PIK3C2G: variants seen among roughly 807,000 people sequenced by gnomAD.
PIK3C2G encodes the protein phosphatidylinositol 3-kinase C2 domain-containing subunit gamma.
In PIK3C2G, 168 loss-of-function variants were observed where a neutral mutation model predicts 181.1. The observed-to-expected ratio is 0.93, with a 90% CI of 0.82 to 1.05. The LOEUF is 1.05. Among genes scored for constraint, PIK3C2G ranks in the 50% least tolerant of loss-of-function variants. The pLI, the probability that PIK3C2G is intolerant of heterozygous loss-of-function variation, is 0.00. For synonymous variants in PIK3C2G, 573 were observed against 592.2 expected (o/e 0.97, Z 0.47); for missense variants, 1,869 against 1,732.8 (o/e 1.08, Z -1.40).
intron 5 of PIK3C2G, among the ~76,000 whole-genome samples, chr12:18,310,980 T>C (rs1268178009): frequency 6.6e-6 from 1 of 151,964 alleles, no homozygotes; most frequent in Non-Finnish European, 1.5e-5. Flanking sequence ...AAAGAAAGTA[T>C]AATAAGCTCT....
At chr12:18,702,877 G>T in the PIK3C2G span, among the ~76,000 whole-genome samples, 1 of 139,568 alleles carries the variant, frequency 7.2e-6, no homozygotes, top group Non-Finnish European at 1.5e-5. Flanking sequence ...ATGGAGTGCA[G>T]TGACATGATC....
chr12:18,257,799 AAAAG>A (rs938483385), upstream of PIK3C2G, among the ~76,000 whole-genome samples: 39 of 150,364 alleles, frequency 2.6e-4, no homozygotes, highest in Admixed American at 2.0e-4. Flanking sequence ...AGAAAGAAAG[AAAAG>A]AAAGAAAGAA....
intron 31 of PIK3C2G, among the ~76,000 whole-genome samples, chr12:18,619,103 A>ATATTACACAT (rs1461924610): frequency 1.3e-4 from 19 of 151,246 alleles, no homozygotes; most frequent in African/African-American, 1.9e-4. Context: ...ATTTAATTAT[A>ATATTACACAT]TATTACACAT....
chr12:18,451,692 T>G (rs7307269), intron 18 of PIK3C2G, among the ~76,000 whole-genome samples: 28,426 of 152,180 alleles, frequency 0.19, 3,529 homozygotes, highest in African/African-American at 0.35. Context: ...GCCCATTCAG[T>G]ATGATATTGG....
rs958773300 is a variant in PIK3C2G, at chr12:18,531,447, A to G, written c.3324-6709A>G. ...TACAGTTCCTGCAACCAGGATACTG[A>G]TATCAATACATTCAAAATACAGAAC... On this transcript the variant is annotated intron_variant, in intron 24 of 32. Coordinates refer to ENST00000538779, the MANE Select transcript of PIK3C2G (RefSeq NM_001288772.2). Among the ~76,000 whole-genome samples the G allele has an allele frequency of 3.3e-5, 5 of 152,302 alleles. No homozygotes were observed. The East Asian group carries it at 9.7e-4, about 29-fold the overall frequency.
At chr12:18,421,449 T>C (rs1945482123) in intron 17 of PIK3C2G, among the ~76,000 whole-genome samples, 1 of 152,024 alleles carries the variant, frequency 6.6e-6, no homozygotes, top group Non-Finnish European at 1.5e-5. Flanking sequence ...TTTATCACAG[T>C]AATTTCTAAT....
At chr12:18,692,815 A>T in the PIK3C2G span, 1 of 1,541,958 alleles carries the variant, frequency 6.5e-7, no homozygotes, top group South Asian at 1.1e-5. Flanking sequence ...AAGAAGGATG[A>T]CAAGCTCTAA....
Position 18,282,567 on chromosome 12 carries a change from T to C in PIK3C2G, c.486T>C (p.Asn162=). The C allele has an allele frequency of 1.2e-6, 2 of 1,612,148 alleles. No homozygotes were observed. Among genetic ancestry groups the C allele is most frequent in the Non-Finnish European group, 8.5e-7 (1 of 1,178,744 alleles). The stretch of plus-strand genomic sequence containing the variant: ...TTAATCTAGAGAAAGAATTAGAAAA[T>C]GAAAATCATAACTACCATATAGGAT... The part of the protein sequence containing the change: ...DKINLEKELE[N]ENHNYHIGFE... The change falls in exon 2 of 33, where the codon AAT becomes AAC. Residue 162 remains asparagine, a synonymous_variant. Coordinates refer to ENST00000538779, the MANE Select transcript of PIK3C2G (RefSeq NM_001288772.2).
intron 25 of PIK3C2G, among the ~76,000 whole-genome samples, chr12:18,538,812 C>T (rs1033986524): frequency 6.6e-6 from 1 of 151,778 alleles, no homozygotes; most frequent in Non-Finnish European, 1.5e-5. Context: ...CTCAGCTTTT[C>T]GTGGTATGCA....
At chr12:18,598,158 C>T (rs1947481932) in intron 30 of PIK3C2G, among the ~76,000 whole-genome samples, 1 of 152,148 alleles carries the variant, frequency 6.6e-6, no homozygotes, top group South Asian at 2.1e-4. Flanking sequence ...CTTTAAAGTT[C>T]ATATGGAACC....
chr12:18,406,936 G>C (rs886317480), intron 16 of PIK3C2G, among the ~76,000 whole-genome samples: 3 of 152,144 alleles, frequency 2.0e-5, no homozygotes, highest in African/African-American at 4.8e-5. Context: ...AGTTTCTTGA[G>C]TTATTTCCAG....
chr12:18,326,921 T>C (rs908164695), intron 8 of PIK3C2G, among the ~76,000 whole-genome samples: 1 of 152,120 alleles, frequency 6.6e-6, no homozygotes, highest in Non-Finnish European at 1.5e-5. Context: ...GACATCTTTT[T>C]TCACACACAA....
the PIK3C2G span, chr12:18,699,894 A>G: frequency 1.2e-6 from 2 of 1,612,688 alleles, no homozygotes; most frequent in African/African-American, 1.3e-5. Flanking sequence ...TGAATTTCTC[A>G]GCTTTCGTAT....
Position 18,628,523 on chromosome 12 carries a change from G to T in PIK3C2G, c.4183-11906G>T, listed in dbSNP as rs184081667. ...GGCAAGAAACAAAGGCAGAAGATTG[G>T]TATATTTAATTATTCATGTACTTAA... On this transcript the variant is annotated intron_variant, in intron 31 of 32. Coordinates refer to ENST00000538779, the MANE Select transcript of PIK3C2G (RefSeq NM_001288772.2). Among the ~76,000 whole-genome samples, 4 of 152,298 alleles carry T rather than the reference G, an allele frequency of 2.6e-5. No homozygotes were observed. The East Asian group carries it at 7.7e-4, about 29-fold the overall frequency.
chr12:18,500,019 T>G (rs1436656859), intron 22 of PIK3C2G, among the ~76,000 whole-genome samples: 1 of 152,242 alleles, frequency 6.6e-6, no homozygotes, highest in Non-Finnish European at 1.5e-5. Context: ...TCTCGGCGCC[T>G]CCTCTGCCTG....
At chr12:18,382,424 T>A (rs1942903737) in intron 14 of PIK3C2G, among the ~76,000 whole-genome samples, 1 of 152,212 alleles carries the variant, frequency 6.6e-6, no homozygotes, top group African/African-American at 2.4e-5. Context: ...TGGTCCTTAC[T>A]GCTGACAGCT....
At chr12:18,630,423 A>G (rs977139990) in intron 31 of PIK3C2G, among the ~76,000 whole-genome samples, 2 of 152,082 alleles carry the variant, frequency 1.3e-5, no homozygotes, top group Non-Finnish European at 2.9e-5. Context: ...AAAAACAACA[A>G]AAGAATAAGA....
At chr12:18,250,124 G>A (rs1190034408) in intron 1 of PIK3C2G, among the ~76,000 whole-genome samples, 3 of 151,978 alleles carry the variant, frequency 2.0e-5, no homozygotes, top group Admixed American at 2.0e-4. Flanking sequence ...CACTAGTTTA[G>A]AAAATATCGA....
chr12:18,640,444 T>C lies in PIK3C2G; in HGVS notation c.4198T>C (p.Ser1400Pro). 6.2e-7 allele frequency: 1 copy of C among 1,610,546 alleles called. No homozygotes were observed. The highest frequency in any genetic ancestry group is 8.5e-7 in the Non-Finnish European group (1 of 1,177,970). ...TCCTTTGCAGCATCTCCCAGATGGC[T>C]CTGCGCCCAGTGCACATGTTGAATT... ...HMKNIHLPDG[S>P]APSAHVEFYL... Residue 1400 changes from serine to proline, a missense_variant, in exon 32 of 33, where the codon TCT (serine) becomes CCT (proline). Transcript: ENST00000538779.
Sources: allele counts gnomAD v4.1 joint callset (sites outside exome capture counted in the v4.1 genomes callset), GRCh38; gene constraint gnomAD v4.1.1; transcripts MANE v1.5; gene names NCBI Gene and HGNC (gene_info 2026-07-23, HGNC 2026-07-21).